Variants in LRRC7 observed in about 807,000 individuals in gnomAD.
LRRC7 encodes leucine-rich repeat-containing protein 7.
A neutral mutation model predicts 175.7 loss-of-function variants in LRRC7; 23 were observed. The ratio of observed to expected loss-of-function variants is 0.13; its 90% confidence interval spans 0.09 to 0.19. LRRC7 has a LOEUF of 0.19. LRRC7 is among the 10% of genes least tolerant of loss of function. LRRC7 has a pLI of 1.00. For synonymous variants in LRRC7, 685 were observed against 680.9 expected, an observed-to-expected ratio of 1.01 and a Z score of -0.09; for missense variants, 1,354 against 1,904.7, an observed-to-expected ratio of 0.71 and a Z score of 5.38.
At chr1:69,706,997 C>G (rs758375462) in intron 2 of LRRC7, among the ~76,000 whole-genome samples, 5 of 152,028 alleles carry the variant, frequency 3.3e-5, no homozygotes, top group Non-Finnish European at 7.4e-5. Flanking sequence ...ATAAAATTAC[C>G]AGTAAACAAT....
At chr1:69,904,610 T>C (rs574336124) in intron 7 of LRRC7, among the ~76,000 whole-genome samples, 2 of 151,902 alleles carry the variant, frequency 1.3e-5, no homozygotes, top group Non-Finnish European at 2.9e-5. Flanking sequence ...TTGCTATATA[T>C]TTTCTATTTC....
intron 7 of LRRC7, among the ~76,000 whole-genome samples, chr1:69,845,185 A>G (rs1468508715): frequency 6.6e-6 from 1 of 152,132 alleles, no homozygotes; most frequent in Non-Finnish European, 1.5e-5. Context: ...AAGGAGGTAG[A>G]GATTGCAGTG....
At chr1:69,969,535 G>C (rs1251421899) in intron 8 of LRRC7, among the ~76,000 whole-genome samples, 1 of 151,672 alleles carries the variant, frequency 6.6e-6, no homozygotes, top group Non-Finnish European at 1.5e-5. Flanking sequence ...AGAGAAAGAG[G>C]GTCATTATAT....
chr1:70,123,397 G>A lies in LRRC7; in HGVS notation c.*1510G>A, dbSNP rs1666303143. 6.6e-6 allele frequency: 1 copy of A among 152,092 alleles called. No homozygotes were observed. The highest frequency in any genetic ancestry group is 6.5e-5 in the Admixed American group (1 of 15,272). 9.4% of individuals were successfully genotyped at this position (152,092 alleles called of 1,614,324 possible). A position where few individuals can be genotyped will look rare whatever the true frequency, so the allele number is the denominator to read the frequency against. ...CACTGAATGATGTCACCAGAGCTCT[G>A]AGAATAATATTTGTAAGTTAACTGT... On this transcript the variant is annotated 3_prime_UTR_variant, in exon 27 of 27. Transcript: ENST00000651989.
chr1:69,708,021 C>T (rs1340751), intron 2 of LRRC7, among the ~76,000 whole-genome samples: 11,446 of 152,144 alleles, frequency 0.075, 547 homozygotes, highest in African/African-American at 0.13. Context: ...CAAAAGTAGG[C>T]TGAGAGATCA....
chr1:69,637,627 G>T (rs964988048), intron 1 of LRRC7, among the ~76,000 whole-genome samples: 1 of 151,836 alleles, frequency 6.6e-6, no homozygotes, highest in Non-Finnish European at 1.5e-5. Context: ...ATTCCTCAGG[G>T]TTATGAAATA....
intron 8 of LRRC7, among the ~76,000 whole-genome samples, chr1:69,941,930 A>G (rs1026351064): frequency 6.6e-6 from 1 of 152,128 alleles, no homozygotes; most frequent in Admixed American, 6.6e-5. Context: ...AAATGCTTAC[A>G]ATTTTCATTG....
intron 22 of LRRC7, among the ~76,000 whole-genome samples, chr1:70,048,348 TAG>T (rs1660493728): frequency 6.6e-6 from 1 of 152,100 alleles, no homozygotes; most frequent in Non-Finnish European, 1.5e-5. Context: ...CTCCATTGTA[TAG>T]ATGAGGAAAC....
chr1:69,898,989 T>C (rs1646058091), intron 7 of LRRC7, among the ~76,000 whole-genome samples: 1 of 152,214 alleles, frequency 6.6e-6, no homozygotes, highest in East Asian at 1.9e-4. Context: ...CTAGAGATTA[T>C]GTTGAAAGTG....
intron 8 of LRRC7, among the ~76,000 whole-genome samples, chr1:69,935,011 G>A (rs974082505): frequency 2.0e-5 from 3 of 152,188 alleles, no homozygotes; most frequent in Non-Finnish European, 2.9e-5. Flanking sequence ...AAGCCAGAAA[G>A]AAAGAAGAGC....
At chr1:70,004,722 T>C (rs1015928416) in intron 11 of LRRC7, among the ~76,000 whole-genome samples, 10 of 151,334 alleles carry the variant, frequency 6.6e-5, no homozygotes, top group East Asian at 3.9e-4. Flanking sequence ...TCTCTCTCTC[T>C]CCCCCCGGCT....
At chr1:69,764,603 A>G (rs749347314) in intron 3 of LRRC7, among the ~76,000 whole-genome samples, 14 of 152,004 alleles carry the variant, frequency 9.2e-5, no homozygotes, top group Non-Finnish European at 2.1e-4. Flanking sequence ...ATTATATCCT[A>G]GCATTGGTAT....
intron 1 of LRRC7, among the ~76,000 whole-genome samples, chr1:69,672,888 G>T (rs142943892): frequency 6.6e-6 from 1 of 152,100 alleles, no homozygotes; most frequent in Admixed American, 6.5e-5. Flanking sequence ...GCAGCCTGTC[G>T]GTTCCTGTGA....
At chr1:69,854,393 C>G (rs1317127) in intron 7 of LRRC7, among the ~76,000 whole-genome samples, 7,773 of 152,088 alleles carry the variant, frequency 0.051, 249 homozygotes, top group East Asian at 0.15. Context: ...GTCCTAGCTA[C>G]TTGGGAGGCA....
At chr1:69,649,969 T>A (rs528121358) in intron 1 of LRRC7, among the ~76,000 whole-genome samples, 1 of 152,248 alleles carries the variant, frequency 6.6e-6, no homozygotes, top group Admixed American at 6.5e-5. Context: ...TTATGGATGA[T>A]GACAGGCAAG....
Position 70,023,140 on chromosome 1 carries a change from A to G in LRRC7, c.1560A>G (p.Gln520=). The change falls in exon 17 of 27, where the codon CAA becomes CAG. Residue 520 remains glutamine, a synonymous_variant. Coordinates refer to ENST00000651989, the MANE Select transcript of LRRC7 (RefSeq NM_001370785.2). The part of the protein sequence containing the change: ...NAGKVKDLSC[Q]APWERGQRGI... ...TTCTCCCACAGGATCTCTCCTGCCA[A>G]GCCCCCTGGGAAAGGGGCCAGCGTG... 7.0e-7 allele frequency: 1 copy of G among 1,437,184 alleles called. No individual in the cohort carries two copies. The highest frequency in any genetic ancestry group is 9.3e-7 in the Non-Finnish European group (1 of 1,079,098). The allele number at this position is 1,437,184 out of a possible 1,614,324, so 89.0% of individuals were successfully genotyped here. A position where few individuals can be genotyped will look rare whatever the true frequency, so the allele number is the denominator to read the frequency against.
At chr1:69,569,104 G>A (rs1570210693) in intron 1 of LRRC7, among the ~76,000 whole-genome samples, 1 of 152,122 alleles carries the variant, frequency 6.6e-6, no homozygotes, top group East Asian at 1.9e-4. Flanking sequence ...CTTGTGGCAG[G>A]ACGCACTTGT....
At chr1:69,829,441 A>T (rs1680290450) in intron 5 of LRRC7, among the ~76,000 whole-genome samples, 1 of 151,776 alleles carries the variant, frequency 6.6e-6, no homozygotes, top group African/African-American at 2.4e-5. Flanking sequence ...CCATCACTTT[A>T]AATATTTATC....
chr1:69,936,229 CT>C lies in LRRC7; in HGVS notation c.711+4664del, dbSNP rs149580962. 4.8e-3 allele frequency among the ~76,000 whole-genome samples: 731 copies of C among 152,194 alleles called. 10 individuals are homozygous for C. The highest frequency in any genetic ancestry group is 0.016 in the African/African-American group (676 of 41,538). ...TCAAACTTAGGCATCTGGACATTTACTTTTTGTATGCATTTAGAATTAGTTG... is the reference window on the plus strand; with the variant it reads ...TCAAACTTAGGCATCTGGACATTTACTTTTGTATGCATTTAGAATTAGTTG... On this transcript the variant is annotated intron_variant, in intron 8 of 26. Coordinates refer to ENST00000651989, the MANE Select transcript of LRRC7 (RefSeq NM_001370785.2).
Sources: allele counts gnomAD v4.1 joint callset (sites outside exome capture counted in the v4.1 genomes callset), GRCh38; gene constraint gnomAD v4.1.1; transcripts MANE v1.5; gene names NCBI Gene and HGNC (gene_info 2026-07-23, HGNC 2026-07-21).